Variants in ADAMTSL1 observed in about 807,000 individuals in gnomAD.
The protein encoded by ADAMTSL1 is ADAMTS-like protein 1.
ADAMTSL1 carries 126 observed loss-of-function variants against 201.8 expected under a neutral mutation model. The observed-to-expected ratio is 0.62, with a 90% CI of 0.54 to 0.72. ADAMTSL1 has a LOEUF of 0.72. ADAMTSL1 is among the 30% of genes least tolerant of loss of function. The pLI, the probability that ADAMTSL1 is intolerant of heterozygous loss-of-function variation, is 0.00. For missense variants in ADAMTSL1, 2,679 were observed against 2,277.8 expected (o/e 1.18, Z -3.59); for synonymous variants, 1,121 against 903.4 (o/e 1.24, Z -4.32).
intron 1 of ADAMTSL1, among the ~76,000 whole-genome samples, chr9:18,048,926 T>G: frequency 6.6e-6 from 1 of 152,148 alleles, no homozygotes. Flanking sequence ...AAATCCAAGA[T>G]CAAGGTATCA....
intron 1 of ADAMTSL1, among the ~76,000 whole-genome samples, chr9:18,478,316 T>C (rs979124886): frequency 2.0e-5 from 3 of 152,134 alleles, no homozygotes; most frequent in Non-Finnish European, 4.4e-5. Flanking sequence ...GGTCTGGTGT[T>C]TTGGTTCTCC....
chr9:18,269,810 G>C (rs1209388064), intron 2 of ADAMTSL1, among the ~76,000 whole-genome samples: 1 of 150,978 alleles, frequency 6.6e-6, no homozygotes. Context: ...AAACCAAAGG[G>C]GGAAACTCTG....
chr9:18,035,256 A>C (rs1821143815), intron 1 of ADAMTSL1, among the ~76,000 whole-genome samples: 1 of 152,168 alleles, frequency 6.6e-6, no homozygotes, highest in Non-Finnish European at 1.5e-5. Context: ...CAAATAGAGG[A>C]ATGCCTGTTA....
chr9:18,830,179 C>A (rs1824886110), intron 23 of ADAMTSL1, among the ~76,000 whole-genome samples: 1 of 152,202 alleles, frequency 6.6e-6, no homozygotes, highest in Non-Finnish European at 1.5e-5. Flanking sequence ...AGTCTGGACT[C>A]TGTGGCTTGT....
intron 1 of ADAMTSL1, among the ~76,000 whole-genome samples, chr9:18,056,676 C>T (rs1462477905): frequency 6.6e-6 from 1 of 152,112 alleles, no homozygotes; most frequent in African/African-American, 2.4e-5. Context: ...GGTAACTGGC[C>T]AAAAGAGGAA....
chr9:18,873,943 C>T (rs111799928), intron 23 of ADAMTSL1, among the ~76,000 whole-genome samples: 3,891 of 152,028 alleles, frequency 0.026, 115 homozygotes, highest in South Asian at 0.13. Context: ...GAATGTGTTT[C>T]CATTTGTGTC....
At chr9:18,612,086 A>G (rs1196379370) in intron 4 of ADAMTSL1, among the ~76,000 whole-genome samples, 1 of 152,228 alleles carries the variant, frequency 6.6e-6, no homozygotes, top group Non-Finnish European at 1.5e-5. Context: ...GAGTCAGGGC[A>G]TGAAGCCTGG....
intron 1 of ADAMTSL1, among the ~76,000 whole-genome samples, chr9:18,024,516 GTTTA>G (rs1319776838): frequency 6.6e-6 from 1 of 152,054 alleles, no homozygotes; most frequent in Non-Finnish European, 1.5e-5. Flanking sequence ...AACATGTGGT[GTTTA>G]TTTTTCTGTT....
chr9:18,238,976 G>C (rs1003886564), intron 2 of ADAMTSL1, among the ~76,000 whole-genome samples: 1 of 152,142 alleles, frequency 6.6e-6, no homozygotes, highest in Non-Finnish European at 1.5e-5. Flanking sequence ...TGGTTTCCCA[G>C]TGCATATAAA....
chr9:17,980,979 C>T (rs1778188), intron 1 of ADAMTSL1, among the ~76,000 whole-genome samples: 80,697 of 151,880 alleles, frequency 0.53, 23,224 homozygotes, highest in East Asian at 0.92. Context: ...TTTGGGGAAA[C>T]TCTCCTGGGA....
intron 2 of ADAMTSL1, among the ~76,000 whole-genome samples, chr9:18,299,709 C>G (rs925856606): frequency 1.3e-5 from 2 of 152,158 alleles, no homozygotes; most frequent in African/African-American, 4.8e-5. Flanking sequence ...GCGAGAGTCT[C>G]CAAGTGTTAC....
chr9:18,758,798 C>G (rs919457381), intron 16 of ADAMTSL1, among the ~76,000 whole-genome samples: 1 of 152,136 alleles, frequency 6.6e-6, no homozygotes, highest in Non-Finnish European at 1.5e-5. Flanking sequence ...AAGATATCTT[C>G]GGGGGCCATT....
At chr9:18,201,360 G>A (rs1474753688) in intron 2 of ADAMTSL1, among the ~76,000 whole-genome samples, 1 of 152,024 alleles carries the variant, frequency 6.6e-6, no homozygotes, top group Non-Finnish European at 1.5e-5. Flanking sequence ...TGATTAAGAA[G>A]AGCATGCTTT....
chr9:18,402,311 A>G (rs754335548), intron 2 of ADAMTSL1, among the ~76,000 whole-genome samples: 1 of 152,156 alleles, frequency 6.6e-6, no homozygotes, highest in East Asian at 1.9e-4. Flanking sequence ...AAATTTATCA[A>G]TTCTAAGTTG....
chr9:18,118,545 G>C (rs931806128), intron 1 of ADAMTSL1, among the ~76,000 whole-genome samples: 1 of 152,156 alleles, frequency 6.6e-6, no homozygotes, highest in African/African-American at 2.4e-5. Context: ...GGGCCAACCA[G>C]CTTTCAGTCT....
chr9:18,433,227 G>A (rs2133414696), intron 2 of ADAMTSL1, among the ~76,000 whole-genome samples: 3 of 152,196 alleles, frequency 2.0e-5, no homozygotes, highest in Admixed American at 2.0e-4. Flanking sequence ...CTCAAAAGTT[G>A]TGGAGAGTTT....
At chr9:18,791,516 A>G (rs1382609312) in intron 19 of ADAMTSL1, among the ~76,000 whole-genome samples, 9 of 152,134 alleles carry the variant, frequency 5.9e-5, no homozygotes, top group Non-Finnish European at 1.3e-4. Context: ...AAGGGATTAT[A>G]GGGTGGAAAA....
At chr9:18,256,983 C>T (rs1428055236) in intron 2 of ADAMTSL1, among the ~76,000 whole-genome samples, 1 of 152,204 alleles carries the variant, frequency 6.6e-6, no homozygotes, top group African/African-American at 2.4e-5. Flanking sequence ...CTCAAGCTTA[C>T]ACATTCCATG....
chr9:18,270,619 AC>A (rs1397043304), intron 2 of ADAMTSL1, among the ~76,000 whole-genome samples: 1 of 152,166 alleles, frequency 6.6e-6, no homozygotes, highest in Non-Finnish European at 1.5e-5. Context: ...CCTTATTGAA[AC>A]TTTTATCCAG....
Sources: allele counts gnomAD v4.1 joint callset (sites outside exome capture counted in the v4.1 genomes callset), GRCh38; gene constraint gnomAD v4.1.1; transcripts MANE v1.5; gene names NCBI Gene and HGNC (gene_info 2026-07-23, HGNC 2026-07-21).